The following NLRP8 variants were observed in gnomAD, a reference collection of about 807,000 sequenced individuals.
The protein encoded by NLRP8 is NLR family pyrin domain containing 8, also known as NACHT, LRR and PYD domains-containing protein 8.
In NLRP8, 86 loss-of-function variants were observed where a neutral mutation model predicts 88.7. That is an observed-to-expected ratio of 0.97 (90% CI 0.81 to 1.16). The LOEUF is 1.16. Ranked by LOEUF, NLRP8 falls within the 50% of genes most tolerant of loss-of-function variation. The pLI is 0.00. For missense variants in NLRP8, 1,342 were observed against 1,286.5 expected, an observed-to-expected ratio of 1.04 and a Z score of -0.66; for synonymous variants, 504 against 494.6, an observed-to-expected ratio of 1.02 and a Z score of -0.25.
rs1980187093 is a variant in NLRP8, at chr19:55,973,787, C to A, written c.2670C>A (p.Ala890=). The change falls in exon 7 of 10, where the codon GCC becomes GCA. Residue 890 remains alanine (A), a synonymous_variant. Coordinates refer to ENST00000291971, the MANE Select transcript of NLRP8 (RefSeq NM_176811.2). Reference sequence around the variant, plus strand: ...AAGGGGCCAAGCATATTTGGAATGCCCTGCCACACCTGAGATGTCCTCTGC... The same window carrying A: ...AAGGGGCCAAGCATATTTGGAATGCACTGCCACACCTGAGATGTCCTCTGC... The A allele has an allele frequency of 6.2e-7, 1 of 1,613,892 alleles. No homozygotes were observed. The highest frequency in any genetic ancestry group is 1.7e-5 in the Admixed American group (1 of 60,012).
rs990815864 is a variant in NLRP8 at position 55,948,096 on chromosome 19, G to A, written c.194G>A (p.Ser65Asn). 2 of 1,614,162 alleles carry A rather than the reference G, an allele frequency of 1.2e-6. No individual in the cohort carries two copies. Among genetic ancestry groups the A allele is most frequent in the Non-Finnish European group, 8.5e-7 (1 of 1,180,036 alleles). The change falls in exon 1 of 10, where the codon AGT (serine) becomes AAT (asparagine). Residue 65 changes from serine to asparagine, a missense_variant. By Grantham distance (46) the Ser-to-Asn change is conservative. Coordinates refer to ENST00000291971, the MANE Select transcript of NLRP8 (RefSeq NM_176811.2). ...AAGCAGCTCTTACTGACTGAGCTCA[G>A]TACTGGCACCATGCCCATCACCTGG...
chr19:55,955,366 C>CA lies in NLRP8; in HGVS notation c.1309dup (p.Thr437AsnfsTer4). On this transcript the variant is annotated frameshift_variant, in exon 3 of 10. Coordinates refer to ENST00000291971, the MANE Select transcript of NLRP8 (RefSeq NM_176811.2). LOFTEE classifies it high-confidence loss of function. ...TCCGGTATATTTCTAGCTTGTTTCC[C>CA]ACCAGAGCTGAGAACTTTTCCAGAA... 1 of 1,614,184 alleles carries CA rather than the reference C, an allele frequency of 6.2e-7. No individual in the cohort carries two copies. Among genetic ancestry groups the CA allele is most frequent in the East Asian group, 2.2e-5 (1 of 44,886 alleles).
chr19:55,952,015 G>T (rs541112994), intron 1 of NLRP8, among the ~76,000 whole-genome samples: 1 of 152,172 alleles, frequency 6.6e-6, no homozygotes, highest in African/African-American at 2.4e-5. Flanking sequence ...GCCTCCCAAA[G>T]TGCTGGGATT....
intron 1 of NLRP8, among the ~76,000 whole-genome samples, chr19:55,952,131 TGATCCCACCGATGTA>T (rs1979121781): frequency 6.6e-6 from 1 of 152,206 alleles, no homozygotes; most frequent in South Asian, 2.1e-4. Context: ...CTCAGTTGGT[TGATCCCACCGATGTA>T]GATCCCACGG....
chr19:55,979,651 G>A (rs1600317103), intron 9 of NLRP8, 87 bp downstream of exon 9: 2 of 1,408,010 alleles, frequency 1.4e-6, no homozygotes, highest in African/African-American at 2.8e-5. Context: ...GGGTGTAGTG[G>A]TGCATGCCTG....
At chr19:55,968,094 A>AT (rs1410205200) in intron 5 of NLRP8, among the ~76,000 whole-genome samples, 8 of 152,198 alleles carry the variant, frequency 5.3e-5, no homozygotes, top group African/African-American at 1.7e-4. Flanking sequence ...ATTTAATATA[A>AT]TTTTCATATG....
intron 5 of NLRP8, among the ~76,000 whole-genome samples, chr19:55,967,884 A>G (rs1014764696): frequency 6.6e-6 from 1 of 152,242 alleles, no homozygotes; most frequent in East Asian, 1.9e-4. Context: ...TAATCATTTT[A>G]TGGTTCATTA....
chr19:55,964,097 C>T (rs1023173243), intron 4 of NLRP8, among the ~76,000 whole-genome samples: 3 of 152,204 alleles, frequency 2.0e-5, no homozygotes, highest in Non-Finnish European at 4.4e-5. Context: ...GATCCAAAAA[C>T]CCGATAATTC....
At chr19:55,967,220 A>G (rs1171272280) in intron 5 of NLRP8, among the ~76,000 whole-genome samples, 3 of 152,028 alleles carry the variant, frequency 2.0e-5, no homozygotes, top group South Asian at 2.1e-4. Flanking sequence ...AATTTTTTCA[A>G]TCAGAGTTTG....
rs1218477099 is a variant in NLRP8, at chr19:55,988,425, AATATATATATGTGTGTGTGTATAT to A, written c.*523_*546del. The A allele has an allele frequency of 1.2e-5, 1 of 85,104 alleles. No homozygotes were observed. The highest frequency in any genetic ancestry group is 5.7e-5 in the African/African-American group (1 of 17,438). The allele number at this position is 85,104 out of a possible 1,614,324, so 5.3% of individuals were successfully genotyped here. ...GAAAAAAAAAATACATATACACATA[AATATATATATGTGTGTGTGTATAT>A]ATATATATATATATATATATGCTAT... On this transcript the variant is annotated 3_prime_UTR_variant, in exon 10 of 10. Transcript: ENST00000291971.
intron 4 of NLRP8, among the ~76,000 whole-genome samples, chr19:55,964,126 C>A (rs1374110236): frequency 2.0e-5 from 3 of 152,174 alleles, no homozygotes; most frequent in Non-Finnish European, 4.4e-5. Flanking sequence ...AACCACTGGC[C>A]CCTTCCTTGA....
At chr19:55,976,847 A>G (rs1250634942) in intron 8 of NLRP8, among the ~76,000 whole-genome samples, 1 of 134,008 alleles carries the variant, frequency 7.5e-6, no homozygotes, top group African/African-American at 2.8e-5. Context: ...TGGGAGGCTG[A>G]GGTGGGGCGG....
In NLRP8 at chr19:55,970,652, C is replaced by G. The variant is rs1286639971; in HGVS notation, c.2490C>G (p.Asn830Lys). 7 of 1,614,082 alleles carry G rather than the reference C, an allele frequency of 4.3e-6. No homozygotes were observed. Among genetic ancestry groups the G allele is most frequent in the Admixed American group, 1.7e-5 (1 of 59,998 alleles). Residue 830 changes from asparagine (N) to lysine (K), a missense_variant, in exon 6 of 10, where the codon AAC becomes AAG. Coordinates refer to ENST00000291971, the MANE Select transcript of NLRP8 (RefSeq NM_176811.2). ...TACTAAGAAAAAACTCCCTGGAGAACTGTGGGGCGTATTACCTGTCTGTGG... is the reference window on the plus strand; with the variant it reads ...TACTAAGAAAAAACTCCCTGGAGAAGTGTGGGGCGTATTACCTGTCTGTGG...
rs752479431 is a variant in NLRP8 at position 55,979,406 on chromosome 19, C to T, written c.2889C>T (p.Cys963=). 23 of 1,613,760 alleles carry T rather than the reference C, an allele frequency of 1.4e-5. No individual in the cohort carries two copies. The highest frequency in any genetic ancestry group is 1.9e-5 in the Non-Finnish European group (23 of 1,180,020). Reference sequence around the variant, plus strand: ...TTCTGTGTCACAGGCTGGAAAACTGCCTGTTCACCTCCATCTGCTGCCAGG... The same window carrying T: ...TTCTGTGTCACAGGCTGGAAAACTGTCTGTTCACCTCCATCTGCTGCCAGG... The change falls in exon 9 of 10, where the codon TGC becomes TGT. Residue 963 remains cysteine (C), a synonymous_variant. Transcript: ENST00000291971.
Position 55,987,881 on chromosome 19 carries a change from A to G in NLRP8, c.3115A>G (p.Lys1039Glu). ...TCCTCACCCACCCGACTTCACGGGA[A>G]AAAGTGACTGCCTATCCCAGATTAA... Residue 1039 changes from lysine (K) to glutamate (E), a missense_variant, in exon 10 of 10, where the codon AAA (lysine) becomes GAA (glutamate). Lys to Glu is a moderately conservative substitution (Grantham distance 56). Coordinates refer to ENST00000291971, the MANE Select transcript of NLRP8 (RefSeq NM_176811.2). 1 of 1,614,108 alleles carries G rather than the reference A, an allele frequency of 6.2e-7. No individual in the cohort carries two copies.
Position 55,955,206 on chromosome 19 carries a change from C to A in NLRP8, c.1148C>A (p.Ala383Asp). The A allele has an allele frequency of 6.2e-7, 1 of 1,614,104 alleles. No individual in the cohort carries two copies. Among genetic ancestry groups the A allele is most frequent in the African/African-American group, 1.3e-5 (1 of 75,028 alleles). ...GAGGGAGACCAAGTCTTGAGTTTCG[C>A]CATGGAAAACACCATTCTCTTCTCC... Residue 383 changes from alanine (A) to aspartate (D), a missense_variant, in exon 3 of 10, where the codon GCC (alanine) becomes GAC (aspartate). Physicochemically the swap from Ala to Asp is moderately radical, Grantham distance 126. Coordinates refer to ENST00000291971, the MANE Select transcript of NLRP8 (RefSeq NM_176811.2).
intron 7 of NLRP8, 65 bp from the exon 8 acceptor site, chr19:55,976,068 T>C: frequency 3.0e-6 from 4 of 1,322,292 alleles, no homozygotes; most frequent in Non-Finnish European, 3.1e-6. Context: ...GTTTTCGTTG[T>C]TGTTGTTGTT....
intron 9 of NLRP8, among the ~76,000 whole-genome samples, chr19:55,984,655 C>CA (rs149144840): frequency 0.035 from 1,783 of 51,294 alleles, 51 homozygotes; most frequent in African/African-American, 0.085. Context: ...ACACTGTCTC[C>CA]AAAAAAAAAA....
intron 2 of NLRP8, among the ~76,000 whole-genome samples, chr19:55,953,232 G>A (rs536782501): frequency 5.9e-5 from 9 of 152,228 alleles, no homozygotes; most frequent in East Asian, 3.9e-4. Context: ...TGCCTGATCC[G>A]TCACCGTCTC....
Sources: allele counts gnomAD v4.1 joint callset (sites outside exome capture counted in the v4.1 genomes callset), GRCh38; gene constraint gnomAD v4.1.1; transcripts MANE v1.5; gene names NCBI Gene and HGNC (gene_info 2026-07-23, HGNC 2026-07-21).